The following SEPTIN9 variants were observed in gnomAD, a reference collection of about 807,000 sequenced individuals.
SEPTIN9 encodes the protein septin-9.
SEPTIN9 carries 13 observed loss-of-function variants against 56.6 expected under a neutral mutation model. The observed-to-expected ratio is 0.23, with a 90% CI of 0.15 to 0.37. The LOEUF (loss-of-function observed/expected upper bound fraction) is 0.37. SEPTIN9 is among the 10% of genes least tolerant of loss of function. The probability of loss-of-function intolerance (pLI) is 1.00; values close to 1 mark genes in which losing one functional copy is unlikely to be tolerated. For synonymous variants in SEPTIN9, 332 were observed against 334.1 expected (o/e 0.99, Z 0.07); for missense variants, 650 against 823.1 (o/e 0.79, Z 2.57).
chr17:77,483,405 GGGA>G (rs2039539592), intron 4 of SEPTIN9: 1 of 152,590 alleles, frequency 6.6e-6, no homozygotes, highest in African/African-American at 2.4e-5. Context: ...CCTGCTTCAA[GGGA>G]GGGCGGAGGT....
Position 77,292,151 on chromosome 17 carries a change from C to T in SEPTIN9, c.19+10597C>T, listed in dbSNP as rs142751161. On this transcript the variant is annotated intron_variant, in intron 1 of 11. Coordinates refer to ENST00000427177, the MANE Select transcript of SEPTIN9 (RefSeq NM_001113491.2). ...GATGTCTCTTTGTTTTCTTGGGCCA[C>T]CTCTCCTGGCCGTCACTCACCCTGC... Among the ~76,000 whole-genome samples the T allele has an allele frequency of 1.7e-4, 26 of 152,290 alleles. No individual in the cohort carries two copies. The East Asian group carries it at 3.3e-3, about 19-fold the overall frequency.
intron 7 of SEPTIN9, among the ~76,000 whole-genome samples, chr17:77,489,750 G>A (rs111287570): frequency 1.5e-4 from 23 of 152,332 alleles, no homozygotes; most frequent in African/African-American, 4.6e-4. Context: ...AACCCAAGCC[G>A]GAGTTTTCGA....
Position 77,450,811 on chromosome 17 carries a change from CCCTCCTCTCCT to C in SEPTIN9, c.722-31332_722-31322del. ...GGTGAGCTGCGCCCCCATCCCCTGC[CCCTCCTCTCCT>C]GCTCCTTCTCCCTTCCATGGTCCCA... On this transcript the variant is annotated intron_variant, in intron 3 of 11. Transcript: ENST00000427177. The surrounding 1 kb of genome is among the most constrained non-coding windows in gnomAD (Gnocchi z 6.0). 1 of 986,250 alleles carries C rather than the reference CCCTCCTCTCCT, an allele frequency of 1.0e-6. No homozygotes were observed. The highest frequency in any genetic ancestry group is 1.2e-6 in the Non-Finnish European group (1 of 830,536). 61.1% of individuals were successfully genotyped at this position (986,250 alleles called of 1,614,324 possible).
intron 3 of SEPTIN9, chr17:77,441,982 G>A (rs891746721): frequency 6.6e-6 from 1 of 152,190 alleles, no homozygotes; most frequent in African/African-American, 2.4e-5. Flanking sequence ...TAGGTTCAGT[G>A]TTTGGGGGTC....
chr17:77,407,363 T>C (rs1393703235), intron 3 of SEPTIN9, among the ~76,000 whole-genome samples: 1 of 151,060 alleles, frequency 6.6e-6, no homozygotes, highest in African/African-American at 2.4e-5. Flanking sequence ...CATGAAATTA[T>C]GCTGAAGGAG....
chr17:77,399,535 A>G (rs1429243332), intron 2 of SEPTIN9, among the ~76,000 whole-genome samples: 1 of 152,160 alleles, frequency 6.6e-6, no homozygotes, highest in Non-Finnish European at 1.5e-5. Context: ...TGAGCTCTGC[A>G]CTTTCTGGCA....
rs1341398116 is a variant in SEPTIN9 at position 77,429,286 on chromosome 17, T to G, written c.721+26583T>G. On this transcript the variant is annotated intron_variant, in intron 3 of 11. Coordinates refer to ENST00000427177, the MANE Select transcript of SEPTIN9 (RefSeq NM_001113491.2). The surrounding 1 kb of genome is among the most constrained non-coding windows in gnomAD (Gnocchi z 5.2). ...CTGACCGTAATTTTGATGGTGCCGA[T>G]GCCGTCAGCACGCAGGCCTCCTGCC... The G allele has an allele frequency of 2.1e-6, 1 of 471,358 alleles. No individual in the cohort carries two copies. The highest frequency in any genetic ancestry group is 4.4e-6 in the Non-Finnish European group (1 of 227,160). The allele number at this position is 471,358 out of a possible 1,614,324, so 29.2% of individuals were successfully genotyped here. A position where few individuals can be genotyped will look rare whatever the true frequency, so the allele number is the denominator to read the frequency against.
chr17:77,491,190 G>A (rs966856505), intron 8 of SEPTIN9, among the ~76,000 whole-genome samples: 4 of 151,054 alleles, frequency 2.6e-5, no homozygotes, highest in African/African-American at 4.9e-5. Context: ...AGCAGGGGCC[G>A]TGCGACATGG....
chr17:77,285,906 G>T (rs191095369), intron 1 of SEPTIN9, among the ~76,000 whole-genome samples: 1 of 152,198 alleles, frequency 6.6e-6, no homozygotes, highest in Non-Finnish European at 1.5e-5. Flanking sequence ...GCTGACTTAC[G>T]GGAAGGGCAA....
intron 2 of SEPTIN9, among the ~76,000 whole-genome samples, chr17:77,360,546 T>C (rs2034380106): frequency 6.6e-6 from 1 of 151,184 alleles, no homozygotes; most frequent in Non-Finnish European, 1.5e-5. Flanking sequence ...GGTTGTTTTT[T>C]TTTTGTTGTT....
chr17:77,357,804 T>C (rs1305536789), intron 2 of SEPTIN9, among the ~76,000 whole-genome samples: 1 of 152,080 alleles, frequency 6.6e-6, no homozygotes, highest in East Asian at 1.9e-4. Context: ...TCTCACCAAC[T>C]CCTCACTCCT....
At chr17:77,406,913 C>A (rs1452353955) in intron 3 of SEPTIN9, among the ~76,000 whole-genome samples, 1 of 152,034 alleles carries the variant, frequency 6.6e-6, no homozygotes, top group Non-Finnish European at 1.5e-5. Context: ...TCGTGACCCA[C>A]CCACCTCAGC....
chr17:77,492,073 G>A lies in SEPTIN9; in HGVS notation c.1381-548G>A, dbSNP rs1405617870. On this transcript the variant is annotated intron_variant, in intron 8 of 11. Transcript: ENST00000427177. This position sits in a 1 kb window ranked among gnomAD's most constrained non-coding sequence, Gnocchi z 5.4. ...ACTCCGTCCTGGGGCCAGGTGTCAG[G>A]GACCTTCCCAGCATGTGCAGGGGAA... Among the ~76,000 whole-genome samples, 1 of 152,154 alleles carries A rather than the reference G, an allele frequency of 6.6e-6. No individual in the cohort carries two copies. Among genetic ancestry groups the A allele is most frequent in the Non-Finnish European group, 1.5e-5 (1 of 68,032 alleles).
intron 2 of SEPTIN9, chr17:77,380,067 C>T (rs1413172483): frequency 1.3e-5 from 2 of 159,304 alleles, no homozygotes; most frequent in African/African-American, 4.8e-5. Flanking sequence ...CCCCCAGGCG[C>T]CTGGGGCATT....
At chr17:77,305,481 C>A (rs2032223582) in intron 1 of SEPTIN9, among the ~76,000 whole-genome samples, 2 of 152,268 alleles carry the variant, frequency 1.3e-5, no homozygotes, top group South Asian at 4.1e-4. Context: ...TTGTCCTCAT[C>A]TCCTCCATGA....
intron 2 of SEPTIN9, among the ~76,000 whole-genome samples, chr17:77,346,320 A>ATTTTTTTTTTTTTTTT (rs1555649758): frequency 1.2e-5 from 1 of 83,536 alleles, no homozygotes; most frequent in Admixed American, 1.6e-4. Flanking sequence ...TTCTTTTCTA[A>ATTTTTTTTTTTTTTTT]TATAAGCACT....
In SEPTIN9 at chr17:77,475,437, A is replaced by G; in HGVS notation, c.722-6707A>G. On this transcript the variant is annotated intron_variant, in intron 3 of 11. Coordinates refer to ENST00000427177, the MANE Select transcript of SEPTIN9 (RefSeq NM_001113491.2). This position sits in a 1 kb window ranked among gnomAD's most constrained non-coding sequence, Gnocchi z 4.6. ...ACACTGTCCTCCTAGCATTGCCTGC[A>G]TCAGGGACTCACTCAGCTTTAAGAA... is the stretch of plus-strand genomic sequence containing the variant. The G allele has an allele frequency of 6.6e-7, 1 of 1,518,598 alleles. No individual in the cohort carries two copies. The highest frequency in any genetic ancestry group is 8.8e-7 in the Non-Finnish European group (1 of 1,137,110). The allele number at this position is 1,518,598 out of a possible 1,614,324, so 94.1% of individuals were successfully genotyped here. A position where few individuals can be genotyped will look rare whatever the true frequency, so the allele number is the denominator to read the frequency against.
At chr17:77,307,320 C>T (rs1267249703) in intron 2 of SEPTIN9, 123 bp downstream of exon 2, 3 of 911,260 alleles carry the variant, frequency 3.3e-6, no homozygotes, top group African/African-American at 3.3e-5. Context: ...GGCCACTTGC[C>T]CATTTCCCAG....
intron 1 of SEPTIN9, among the ~76,000 whole-genome samples, chr17:77,288,920 G>A (rs886960029): frequency 1.3e-5 from 2 of 152,212 alleles, no homozygotes; most frequent in Admixed American, 6.5e-5. Context: ...AGGAGGTGGT[G>A]GATTTCTCGC....
Sources: allele counts gnomAD v4.1 joint callset (sites outside exome capture counted in the v4.1 genomes callset), GRCh38; gene constraint gnomAD v4.1.1; non-coding constraint Gnocchi (gnomAD v3.1); transcripts MANE v1.5; gene names NCBI Gene and HGNC (gene_info 2026-07-23, HGNC 2026-07-21).